UGT2B11: variants seen among roughly 807,000 people sequenced by gnomAD.
UGT2B11 encodes UDP glucuronosyltransferase family 2 member B11.
A neutral mutation model predicts 51.7 loss-of-function variants in UGT2B11; 49 were observed. That is an observed-to-expected ratio of 0.95 (90% CI 0.75 to 1.20). UGT2B11 has a LOEUF of 1.20. UGT2B11 is among the 50% of genes most tolerant of loss of function. The pLI is 0.00. For missense variants in UGT2B11, 810 were observed against 622.1 expected (o/e 1.30, Z -3.21); for synonymous variants, 273 against 209.0 (o/e 1.31, Z -2.64).
At chr4:69,224,393 G>T in the UGT2B11 span, among the ~76,000 whole-genome samples, 1 of 152,100 alleles carries the variant, frequency 6.6e-6, no homozygotes, top group African/African-American at 2.4e-5. Context: ...AAGTGAAAGA[G>T]TATGAACCGG....
chr4:69,224,738 C>G, the UGT2B11 span, among the ~76,000 whole-genome samples: 439 of 125,108 alleles, frequency 3.5e-3, 1 homozygote, highest in African/African-American at 0.012. Flanking sequence ...GAGAGAGACA[C>G]GGATCAACCG....
At chr4:69,207,449 T>C (rs552214440) in intron 3 of UGT2B11, among the ~76,000 whole-genome samples, 27 of 151,794 alleles carry the variant, frequency 1.8e-4, no homozygotes, top group African/African-American at 4.8e-4. Flanking sequence ...GTTTACTCTA[T>C]ACAGAAGAAA....
In UGT2B11 at chr4:69,205,780, GA is replaced by G. The variant is rs1721832799; in HGVS notation, c.1003-214del. The G allele has an allele frequency of 6.2e-6, 3 of 487,312 alleles. No individual in the cohort carries two copies. The East Asian group carries it at 1.2e-4, about 19-fold the overall frequency. The allele number at this position is 487,312 out of a possible 1,614,324, so 30.2% of individuals were successfully genotyped here. A position where few individuals can be genotyped will look rare whatever the true frequency, so the allele number is the denominator to read the frequency against. On this transcript the variant is annotated intron_variant, in intron 3 of 5. Coordinates refer to ENST00000446444, the MANE Select transcript of UGT2B11 (RefSeq NM_001073.3). ...CATGATTTTCCAAAACAGTACCATA[GA>G]AAAATAAGACTATCAATGAAAAGTT...
In UGT2B11 at chr4:69,200,036, G is replaced by A. The variant is rs185563152; in HGVS notation, c.*404C>T. ...AATGAAGCCAAATTATTCTGAGGAT[G>A]TGACTACTGATACTGTCAGTAGACT... On this transcript the variant is annotated 3_prime_UTR_variant, in exon 6 of 6. Coordinates refer to ENST00000446444, the MANE Select transcript of UGT2B11 (RefSeq NM_001073.3). The A allele has an allele frequency of 6.4e-6, 1 of 157,138 alleles. No individual in the cohort carries two copies. The highest frequency in any genetic ancestry group is 1.4e-5 in the Non-Finnish European group (1 of 71,632). The allele number at this position is 157,138 out of a possible 1,614,324, so 9.7% of individuals were successfully genotyped here.
rs1181226046 is a variant in UGT2B11 at position 69,200,576 on chromosome 4, C to A, written c.1454G>T (p.Trp485Leu). The change falls in exon 6 of 6, where the codon TGG becomes TTG. Residue 485 changes from tryptophan (W) to leucine (L), a missense_variant. Physicochemically the swap from Trp to Leu is moderately conservative, Grantham distance 61. Coordinates refer to ENST00000446444, the MANE Select transcript of UGT2B11 (RefSeq NM_001073.3). The part of the protein sequence containing the change: ...HLRVAAHDLT[W>L]FQYHSLDVIG... ...CACATCCAAAGAGTGGTACTGGAAC[C>A]AGGTGAGGTCATGGGCTGCAACTCG... 1.9e-6 allele frequency: 3 copies of A among 1,612,406 alleles called. No homozygotes were observed. The highest frequency in any genetic ancestry group is 2.5e-6 in the Non-Finnish European group (3 of 1,179,008).
intron 3 of UGT2B11, 125 bp from the exon 4 acceptor site, chr4:69,205,692 T>C: frequency 1.8e-6 from 2 of 1,091,992 alleles, no homozygotes; most frequent in Non-Finnish European, 2.6e-6. Context: ...CAAAGATTGA[T>C]GTAAAAAGAA....
chr4:69,212,023 T>A (rs1359138139), intron 2 of UGT2B11, among the ~76,000 whole-genome samples: 1 of 151,532 alleles, frequency 6.6e-6, no homozygotes, highest in Non-Finnish European at 1.5e-5. Flanking sequence ...CTCCCCTTCA[T>A]TCTTTTACCT....
the UGT2B11 span, among the ~76,000 whole-genome samples, chr4:69,224,687 C>G: frequency 1.3e-5 from 2 of 151,572 alleles, no homozygotes; most frequent in African/African-American, 2.4e-5. Context: ...GCCTTAGCCA[C>G]GCCAAAGATT....
intron 2 of UGT2B11, among the ~76,000 whole-genome samples, chr4:69,211,336 T>C (rs1722055694): frequency 6.6e-6 from 1 of 151,532 alleles, no homozygotes; most frequent in Non-Finnish European, 1.5e-5. Context: ...AATTTTAGAA[T>C]TTCAACTAGC....
In UGT2B11 at chr4:69,214,254, C is replaced by T; in HGVS notation, c.469G>A (p.Gly157Ser). 3 of 1,613,222 alleles carry T rather than the reference C, an allele frequency of 1.9e-6. No homozygotes were observed. Among genetic ancestry groups the T allele is most frequent in the Non-Finnish European group, 2.5e-6 (3 of 1,179,500 alleles). Residue 157 changes from glycine to serine, a missense_variant, in exon 1 of 6, where the codon GGT (glycine) becomes AGT (serine). Transcript: ENST00000446444. ...IVFADAVFPC[G>S]ELLAALLNIR... is the part of the protein sequence containing the mutation. ...TTAAGTAGCGCAGCCAGCAGCTCAC[C>T]ACAGGGAAAAACAGCATCTGCAAAA...
intron 3 of UGT2B11, 83 bp downstream of exon 3, chr4:69,208,267 CT>C: frequency 6.3e-7 from 1 of 1,587,088 alleles, no homozygotes; most frequent in Admixed American, 1.9e-5. Flanking sequence ...GTTCACTCTA[CT>C]CTTAATATTC....
At chr4:69,217,443 G>A (rs1722302476), upstream of UGT2B11, among the ~76,000 whole-genome samples, 1 of 152,094 alleles carries the variant, frequency 6.6e-6, no homozygotes, top group Non-Finnish European at 1.5e-5. Context: ...TATTTTTAAT[G>A]TCCTTGAGTG....
the UGT2B11 span, among the ~76,000 whole-genome samples, chr4:69,220,728 A>G: frequency 1.3e-5 from 2 of 151,540 alleles, no homozygotes; most frequent in African/African-American, 4.8e-5. Flanking sequence ...TCTACTTTCT[A>G]TTCATTCTCT....
At chr4:69,212,251 T>G (rs916831193) in intron 2 of UGT2B11, among the ~76,000 whole-genome samples, 1 of 151,650 alleles carries the variant, frequency 6.6e-6, no homozygotes, top group Non-Finnish European at 1.5e-5. Context: ...CTGCACTTAC[T>G]TGTGTTTTGT....
the UGT2B11 span, among the ~76,000 whole-genome samples, chr4:69,222,353 G>A: frequency 3.9e-5 from 6 of 152,200 alleles, no homozygotes; most frequent in Non-Finnish European, 5.9e-5. Flanking sequence ...AAAGCAGAGG[G>A]GTTTTCCTCC....
chr4:69,222,598 T>G, the UGT2B11 span, among the ~76,000 whole-genome samples: 1 of 152,198 alleles, frequency 6.6e-6, no homozygotes, highest in African/African-American at 2.4e-5. Context: ...ATCCCCAAAT[T>G]ACCAGGCTGC....
the UGT2B11 span, among the ~76,000 whole-genome samples, chr4:69,224,300 AG>A: frequency 4.4e-3 from 667 of 152,162 alleles, 5 homozygotes; most frequent in African/African-American, 0.015. Flanking sequence ...GAGCCTTTGG[AG>A]GGGCCATGGT....
Position 69,214,269 on chromosome 4 carries a change from C to T in UGT2B11, c.454G>A (p.Ala152Thr). ...AGCAGCTCACCACAGGGAAAAACAG[C>T]ATCTGCAAAAACGATGTCAAATCTT... is the stretch of plus-strand genomic sequence containing the variant. ...ESRFDIVFADAVFPCGELLAA... is the reference protein window; with the variant it reads ...ESRFDIVFADTVFPCGELLAA... Residue 152 changes from alanine (A) to threonine (T), a missense_variant, in exon 1 of 6, where the codon GCT becomes ACT. Physicochemically the swap from Ala to Thr is moderately conservative, Grantham distance 58. Transcript: ENST00000446444. 1.2e-6 allele frequency: 2 copies of T among 1,613,288 alleles called. No homozygotes were observed. The highest frequency in any genetic ancestry group is 1.7e-6 in the Non-Finnish European group (2 of 1,179,494).
chr4:69,224,171 C>T, the UGT2B11 span, among the ~76,000 whole-genome samples: 13 of 152,202 alleles, frequency 8.5e-5, no homozygotes, highest in Admixed American at 8.5e-4. Context: ...CTTCATCCTG[C>T]CTAGTGGGAA....
Sources: gnomAD v4.1 joint callset for allele counts (sites outside exome capture counted in the v4.1 genomes callset) on GRCh38, gnomAD v4.1.1 for gene constraint, MANE v1.5 for transcripts, NCBI Gene and HGNC (gene_info 2026-07-23, HGNC 2026-07-21) for gene names.